ORC1: variants seen among roughly 807,000 people sequenced by gnomAD.
The protein encoded by ORC1 is origin recognition complex subunit 1.
ORC1 carries 61 observed loss-of-function variants against 98.9 expected under a neutral mutation model. The observed-to-expected ratio is 0.62, with a 90% CI of 0.50 to 0.76. ORC1 has a LOEUF of 0.76. Among genes scored for constraint, ORC1 ranks in the 30% least tolerant of loss-of-function variants. The probability of loss-of-function intolerance (pLI) is 0.00; values close to 1 mark genes in which losing one functional copy is unlikely to be tolerated. For synonymous variants in ORC1, 385 were observed against 406.9 expected, an observed-to-expected ratio of 0.95 and a Z score of 0.65; for missense variants, 979 against 1,072.2, an observed-to-expected ratio of 0.91 and a Z score of 1.21.
chr1:52,379,241 A>ATTT (rs1202537038), intron 14 of ORC1, among the ~76,000 whole-genome samples: 2 of 125,614 alleles, frequency 1.6e-5, no homozygotes. Context: ...AAAGTAGGGT[A>ATTT]TTTTTTTTTT....
At chr1:52,394,965 G>A (rs1173615228) in intron 5 of ORC1, among the ~76,000 whole-genome samples, 1 of 152,110 alleles carries the variant, frequency 6.6e-6, no homozygotes, top group African/African-American at 2.4e-5. Flanking sequence ...CTTAATTTCT[G>A]AAGGTGATAT....
chr1:52,398,693 T>C (rs1647544577), intron 3 of ORC1, among the ~76,000 whole-genome samples: 1 of 152,194 alleles, frequency 6.6e-6, no homozygotes, highest in Non-Finnish European at 1.5e-5. Flanking sequence ...ACCATTCTCC[T>C]GCCTCAGCCT....
At chr1:52,404,679 A>C, upstream of ORC1, 1 of 1,531,750 alleles carries the variant, frequency 6.5e-7, no homozygotes, top group South Asian at 1.2e-5. Context: ...CCATTCCTCT[A>C]GGTGCTTTTT....
At chr1:52,387,700 C>T (rs1380990314) in intron 8 of ORC1, among the ~76,000 whole-genome samples, 2 of 152,136 alleles carry the variant, frequency 1.3e-5, no homozygotes, top group Non-Finnish European at 2.9e-5. Context: ...CTCAAGTGAT[C>T]CACCCACCTC....
chr1:52,401,536 C>A lies in ORC1; in HGVS notation c.96-47G>T. The stretch of plus-strand genomic sequence containing the variant: ...CATTAGGAAATAACTTAAAGTGGGT[C>A]AAGCTCTTCAGATCCCCTGGGCACA... On this transcript the variant is annotated intron_variant, in intron 2 of 16. Coordinates refer to ENST00000371568, the MANE Select transcript of ORC1 (RefSeq NM_004153.4). 1.9e-6 allele frequency: 3 copies of A among 1,609,100 alleles called. No homozygotes were observed. In the South Asian group the frequency reaches 3.3e-5, roughly 18 times the overall value.
At chr1:52,406,295 T>C (rs1162912625), upstream of ORC1, among the ~76,000 whole-genome samples, 2 of 152,110 alleles carry the variant, frequency 1.3e-5, no homozygotes, top group African/African-American at 4.8e-5. Context: ...CCCTGCCAAG[T>C]TTGTATTTTA....
chr1:52,392,710 C>T (rs935273003), intron 6 of ORC1, among the ~76,000 whole-genome samples: 2 of 152,084 alleles, frequency 1.3e-5, no homozygotes, highest in Admixed American at 1.3e-4. Context: ...ACATATTTAC[C>T]ATGGAATACT....
intron 3 of ORC1, among the ~76,000 whole-genome samples, chr1:52,399,867 A>G (rs1413845394): frequency 1.3e-5 from 2 of 151,814 alleles, no homozygotes; most frequent in Non-Finnish European, 2.9e-5. Context: ...CACTGAGATG[A>G]CTTCTGGCAA....
At chr1:52,393,913 T>C in intron 5 of ORC1, 110 bp from the exon 6 acceptor site, 1 of 1,203,606 alleles carries the variant, frequency 8.3e-7, no homozygotes, top group Non-Finnish European at 1.2e-6. Context: ...AGGAATTATC[T>C]ATATTTTTAA....
intron 6 of ORC1, among the ~76,000 whole-genome samples, chr1:52,390,855 G>A (rs1187159890): frequency 1.2e-4 from 17 of 146,606 alleles, no homozygotes; most frequent in African/African-American, 4.1e-4. Flanking sequence ...TCGTGCCATT[G>A]CACTCCAGCC....
intron 3 of ORC1, 101 bp downstream of exon 3, chr1:52,401,260 TA>T: frequency 1.4e-6 from 2 of 1,442,430 alleles, no homozygotes; most frequent in Non-Finnish European, 1.9e-6. Context: ...CACCTCAGTC[TA>T]ATGTGCCCTG....
At chr1:52,401,576 C>T in intron 2 of ORC1, 87 bp from the exon 3 acceptor site, 1 of 1,486,478 alleles carries the variant, frequency 6.7e-7, no homozygotes, top group East Asian at 2.3e-5. Context: ...AGAGGGCTCT[C>T]CAATCCTGAT....
chr1:52,404,700 A>T (rs544190409), upstream of ORC1: 2 of 1,591,932 alleles, frequency 1.3e-6, no homozygotes, highest in South Asian at 2.3e-5. Context: ...CTGAACCTGG[A>T]TGTGAGGCAT....
At chr1:52,374,149 T>C (rs1262712975) in intron 16 of ORC1, among the ~76,000 whole-genome samples, 2 of 152,230 alleles carry the variant, frequency 1.3e-5, no homozygotes, top group African/African-American at 4.8e-5. Flanking sequence ...AGTCACTCTC[T>C]GCAGAAGAGC....
intron 14 of ORC1, among the ~76,000 whole-genome samples, chr1:52,377,607 T>C (rs1434020889): frequency 6.6e-6 from 1 of 151,662 alleles, no homozygotes; most frequent in East Asian, 1.9e-4. Flanking sequence ...AAGCCCTTGC[T>C]TGGATTTGGA....
chr1:52,398,884 C>T (rs548152618), intron 3 of ORC1, among the ~76,000 whole-genome samples: 5 of 152,328 alleles, frequency 3.3e-5, no homozygotes, highest in East Asian at 3.9e-4. Flanking sequence ...CACACCTGGC[C>T]GATCCTTAAT....
chr1:52,395,583 C>T (rs1248977984), intron 5 of ORC1, among the ~76,000 whole-genome samples: 3 of 152,182 alleles, frequency 2.0e-5, no homozygotes, highest in Admixed American at 6.5e-5. Flanking sequence ...GAGGCCAAGG[C>T]GGGTGGATCA....
At chr1:52,393,892 A>G in intron 5 of ORC1, 89 bp from the exon 6 acceptor site, 2 of 1,369,842 alleles carry the variant, frequency 1.5e-6, no homozygotes, top group Non-Finnish European at 2.0e-6. Flanking sequence ...CCACTGAGTT[A>G]TATGTAAAAC....
chr1:52,400,841 C>T (rs1032990458), intron 3 of ORC1, among the ~76,000 whole-genome samples: 1 of 152,212 alleles, frequency 6.6e-6, no homozygotes, highest in African/African-American at 2.4e-5. Flanking sequence ...TAAATGTCAC[C>T]TTTTCTTCTA....
Sources: allele counts gnomAD v4.1 joint callset (sites outside exome capture counted in the v4.1 genomes callset), GRCh38; gene constraint gnomAD v4.1.1; transcripts MANE v1.5; gene names NCBI Gene and HGNC (gene_info 2026-07-23, HGNC 2026-07-21).